The following MIPOL1 variants were observed in gnomAD, a reference collection of about 807,000 sequenced individuals.
The protein encoded by MIPOL1 is mirror-image polydactyly 1.
MIPOL1 carries 57 observed loss-of-function variants against 60.9 expected under a neutral mutation model. The observed-to-expected ratio is 0.94, with a 90% CI of 0.76 to 1.17. MIPOL1 has a LOEUF of 1.17. Ranked by LOEUF, MIPOL1 falls within the 50% of genes most tolerant of loss-of-function variation. MIPOL1 has a pLI of 0.00. For missense variants in MIPOL1, 551 were observed against 511.6 expected, an observed-to-expected ratio of 1.08 and a Z score of -0.74; for synonymous variants, 179 against 168.8, an observed-to-expected ratio of 1.06 and a Z score of -0.47.
At chr14:37,440,940 A>G (rs2094234404) in intron 11 of MIPOL1, among the ~76,000 whole-genome samples, 1 of 152,114 alleles carries the variant, frequency 6.6e-6, no homozygotes, top group South Asian at 2.1e-4. Context: ...TGACTTTCTA[A>G]TAATGGCCAT....
chr14:37,364,632 A>G (rs1397699648), intron 9 of MIPOL1, among the ~76,000 whole-genome samples: 1 of 152,156 alleles, frequency 6.6e-6, no homozygotes, highest in Non-Finnish European at 1.5e-5. Context: ...CTGTCTCTGT[A>G]GTATAATTTA....
chr14:37,459,798 G>A (rs948622116), intron 11 of MIPOL1, among the ~76,000 whole-genome samples: 1 of 152,146 alleles, frequency 6.6e-6, no homozygotes, highest in African/African-American at 2.4e-5. Flanking sequence ...AGGCTGGGTG[G>A]GCGTGGTGGC....
intron 1 of MIPOL1, among the ~76,000 whole-genome samples, chr14:37,230,794 A>T (rs117873372): frequency 6.6e-6 from 1 of 152,316 alleles, no homozygotes; most frequent in East Asian, 1.9e-4. Flanking sequence ...GTGGCGCTGT[A>T]TACTAATGAT....
At chr14:37,240,614 T>G (rs1040768994) in intron 1 of MIPOL1, 1 of 152,144 alleles carries the variant, frequency 6.6e-6, no homozygotes, top group Non-Finnish European at 1.5e-5. Flanking sequence ...CTAGATTAAG[T>G]GATTTAGTTT....
intron 12 of MIPOL1, chr14:37,503,455 A>G (rs79195037): frequency 1.3e-5 from 2 of 152,176 alleles, no homozygotes; most frequent in Non-Finnish European, 2.9e-5. Context: ...AATATTCAAC[A>G]TTCTTAAAGA....
intron 1 of MIPOL1, among the ~76,000 whole-genome samples, chr14:37,232,023 A>G (rs911713429): frequency 5.9e-5 from 9 of 152,166 alleles, no homozygotes; most frequent in African/African-American, 1.9e-4. Flanking sequence ...TTGAGGCTGC[A>G]GTGAGCTATG....
intron 1 of MIPOL1, among the ~76,000 whole-genome samples, chr14:37,239,658 A>G (rs1972049004): frequency 6.6e-6 from 1 of 152,150 alleles, no homozygotes; most frequent in Non-Finnish European, 1.5e-5. Flanking sequence ...TTTTCTTTTC[A>G]TAATGCATTT....
intron 11 of MIPOL1, among the ~76,000 whole-genome samples, chr14:37,464,070 A>C (rs1474327501): frequency 6.6e-6 from 1 of 152,222 alleles, no homozygotes; most frequent in Non-Finnish European, 1.5e-5. Flanking sequence ...ACCATCTCAC[A>C]CCAGTCAGAA....
intron 9 of MIPOL1, among the ~76,000 whole-genome samples, chr14:37,363,744 A>G (rs207474661): frequency 6.6e-6 from 1 of 152,096 alleles, no homozygotes; most frequent in African/African-American, 2.4e-5. Context: ...ACAGAGGTGG[A>G]GTGTATAGAT....
At chr14:37,483,215 C>T (rs1433397887) in intron 11 of MIPOL1, among the ~76,000 whole-genome samples, 9 of 150,914 alleles carry the variant, frequency 6.0e-5, no homozygotes, top group Admixed American at 4.0e-4. Context: ...TGGGTTCAAG[C>T]GATTCTCCTG....
intron 10 of MIPOL1, among the ~76,000 whole-genome samples, chr14:37,380,174 G>C (rs1274838779): frequency 6.6e-6 from 1 of 152,094 alleles, no homozygotes; most frequent in Admixed American, 6.6e-5. Flanking sequence ...TTGGAAAAGC[G>C]GAGAGAAAGA....
intron 9 of MIPOL1, among the ~76,000 whole-genome samples, chr14:37,348,787 TCTC>T (rs2091125939): frequency 6.6e-6 from 1 of 150,982 alleles, no homozygotes; most frequent in Non-Finnish European, 1.5e-5. Flanking sequence ...GCATCTTCCT[TCTC>T]CTTCCCTTCC....
Position 37,218,716 on chromosome 14 carries a change from C to G in MIPOL1, c.-199+20612C>G, listed in dbSNP as rs184394128. ...TTTTGAGAGGCTGAGTTAGGCAGAT[C>G]ACTTGAGCCCAGGAATTCAAGACCA... On this transcript the variant is annotated intron_variant, in intron 1 of 12. Coordinates refer to ENST00000684589, the MANE Select transcript of MIPOL1 (RefSeq NM_001388067.1). 3.9e-4 allele frequency among the ~76,000 whole-genome samples: 60 copies of G among 151,984 alleles called. No homozygotes were observed. The East Asian group carries it at 7.4e-3, about 19-fold the overall frequency.
At chr14:37,320,353 A>G (rs1300105213) in intron 9 of MIPOL1, among the ~76,000 whole-genome samples, 1 of 152,078 alleles carries the variant, frequency 6.6e-6, no homozygotes. Flanking sequence ...ATGGGTGTAT[A>G]GTCATATTTC....
chr14:37,369,818 A>T, intron 10 of MIPOL1, 194 bp downstream of exon 10: 1 of 327,832 alleles, frequency 3.1e-6, no homozygotes, highest in Non-Finnish European at 5.6e-6. Flanking sequence ...GTACGTGAAA[A>T]CAACACATTT....
At chr14:37,252,854 T>C (rs1427072238) in intron 3 of MIPOL1, among the ~76,000 whole-genome samples, 2 of 151,874 alleles carry the variant, frequency 1.3e-5, no homozygotes, top group Non-Finnish European at 2.9e-5. Context: ...AAAATATGAT[T>C]GTAGAATCTC....
chr14:37,358,026 T>G (rs942339961), intron 9 of MIPOL1, among the ~76,000 whole-genome samples: 2 of 151,718 alleles, frequency 1.3e-5, no homozygotes, highest in African/African-American at 4.8e-5. Context: ...TGTGTGATGT[T>G]CCCTGCCCTA....
At chr14:37,428,269 T>C (rs567839010) in intron 11 of MIPOL1, among the ~76,000 whole-genome samples, 48 of 152,266 alleles carry the variant, frequency 3.2e-4, no homozygotes, top group African/African-American at 1.1e-3. Context: ...GATTAAAATA[T>C]GATGATGGCT....
intron 3 of MIPOL1, among the ~76,000 whole-genome samples, chr14:37,264,935 G>C (rs1028646564): frequency 2.0e-5 from 3 of 152,012 alleles, no homozygotes; most frequent in Non-Finnish European, 4.4e-5. Flanking sequence ...GGTACTTTCA[G>C]CACTTTGACT....
Sources: gnomAD v4.1 joint callset for allele counts (sites outside exome capture counted in the v4.1 genomes callset) on GRCh38, gnomAD v4.1.1 for gene constraint, MANE v1.5 for transcripts, NCBI Gene and HGNC (gene_info 2026-07-23, HGNC 2026-07-21) for gene names.